The following RTF2 variants were observed in gnomAD, a reference collection of about 807,000 sequenced individuals.
RTF2 encodes UPF0549 protein C20orf43.
Under a neutral mutation model 38.0 loss-of-function variants are expected in RTF2, and 18 were observed. That is an observed-to-expected ratio of 0.47 (90% confidence interval 0.33 to 0.70). The LOEUF (loss-of-function observed/expected upper bound fraction) is 0.70, where lower values mean the gene tolerates loss of function less well. Among genes scored for constraint, RTF2 ranks in the 30% least tolerant of loss-of-function variants. The probability of loss-of-function intolerance (pLI) is 0.02; values close to 1 mark genes in which losing one functional copy is unlikely to be tolerated. For synonymous variants in RTF2, 126 were observed against 137.1 expected (o/e 0.92, Z 0.57); for missense variants, 311 against 379.6 (o/e 0.82, Z 1.50).
chr20:56,497,424 G>A (rs766853946), intron 5 of RTF2: 125 of 1,544,600 alleles, frequency 8.1e-5, no homozygotes, highest in Middle Eastern at 3.4e-4. Flanking sequence ...TTAGGGGGCC[G>A]CCCCTTTCCC....
At chr20:56,501,480 A>G (rs1051957314) in intron 5 of RTF2, among the ~76,000 whole-genome samples, 1 of 152,188 alleles carries the variant, frequency 6.6e-6, no homozygotes, top group African/African-American at 2.4e-5. Flanking sequence ...CCTCCATAGA[A>G]AGATGTTTAA....
At position 56,517,188 on chromosome 20, in the gene RTF2, T is replaced by C. The variant is rs1387628264; in HGVS notation, c.729T>C (p.Ala243=). ...LDSREKKTNL[A]PKSTAMNESS... is the part of the protein sequence containing the mutation. ...CTAGAGAGAAGAAAACCAACTTGGC[T>C]CCCAAAAGCACAGGTGGGTCCTGTT... The change falls in exon 8 of 9, where the codon GCT becomes GCC. Residue 243 remains alanine (A), a synonymous_variant. Coordinates refer to ENST00000357348, the MANE Select transcript of RTF2 (RefSeq NM_016407.5). The C allele has an allele frequency of 1.2e-6, 2 of 1,613,864 alleles. No individual in the cohort carries two copies. The highest frequency in any genetic ancestry group is 1.7e-5 in the Admixed American group (1 of 59,968).
intron 2 of RTF2, 123 bp from the exon 3 acceptor site, chr20:56,474,555 A>G (rs956266604): frequency 1.7e-6 from 1 of 575,190 alleles, no homozygotes; most frequent in African/African-American, 1.9e-5. Context: ...TTACTTTTTA[A>G]TAATTCAGGG....
chr20:56,495,954 G>C (rs532745707), intron 5 of RTF2, among the ~76,000 whole-genome samples: 27 of 152,290 alleles, frequency 1.8e-4, no homozygotes, highest in African/African-American at 6.3e-4. Flanking sequence ...ATCTTACAGA[G>C]AGCCCTTAGC....
chr20:56,477,517 T>C (rs1982317641), intron 4 of RTF2, among the ~76,000 whole-genome samples: 1 of 152,216 alleles, frequency 6.6e-6, no homozygotes, highest in South Asian at 2.1e-4. Context: ...TACTAATTTT[T>C]AATTTTTATT....
chr20:56,478,850 T>G (rs1982386307), intron 4 of RTF2, among the ~76,000 whole-genome samples: 1 of 152,224 alleles, frequency 6.6e-6, no homozygotes, highest in Non-Finnish European at 1.5e-5. Context: ...TCTTTCAAAA[T>G]TGGAATCAGT....
In RTF2 at chr20:56,474,665, CTTACTA is replaced by C; in HGVS notation, c.165-10_165-5del. On this transcript the variant is annotated splice_region_variant and splice_polypyrimidine_tract_variant and intron_variant, in intron 2 of 8. Coordinates refer to ENST00000357348, the MANE Select transcript of RTF2 (RefSeq NM_016407.5). ...CGCTTGTTGACATAATATTCTAATA[CTTACTA>C]TTGCAGACTTTATAACAAAGATGCC... 6.4e-7 allele frequency: 1 copy of C among 1,555,798 alleles called. No individual in the cohort carries two copies. The highest frequency in any genetic ancestry group is 8.8e-7 in the Non-Finnish European group (1 of 1,139,188).
intron 5 of RTF2, among the ~76,000 whole-genome samples, chr20:56,507,200 G>T (rs1461105087): frequency 6.6e-6 from 1 of 152,196 alleles, no homozygotes; most frequent in Non-Finnish European, 1.5e-5. Flanking sequence ...GTGGGGAGCA[G>T]GTCCCTGTGG....
At chr20:56,487,108 A>G (rs1982837278) in intron 5 of RTF2, among the ~76,000 whole-genome samples, 1 of 152,202 alleles carries the variant, frequency 6.6e-6, no homozygotes, top group African/African-American at 2.4e-5. Context: ...CGCCCATAAT[A>G]GTACCCATCT....
At chr20:56,477,313 C>T (rs1420400506) in intron 4 of RTF2, among the ~76,000 whole-genome samples, 189 bp downstream of exon 4, 3 of 152,160 alleles carry the variant, frequency 2.0e-5, no homozygotes, top group Non-Finnish European at 4.4e-5. Context: ...TACGGGACTT[C>T]CAGCGAGATC....
chr20:56,507,565 C>G (rs2146365475), intron 5 of RTF2, among the ~76,000 whole-genome samples: 1 of 152,294 alleles, frequency 6.6e-6, no homozygotes, highest in African/African-American at 2.4e-5. Context: ...GGGCACAACA[C>G]AACACAACTG....
chr20:56,511,857 G>T (rs752544801), intron 5 of RTF2, among the ~76,000 whole-genome samples: 1 of 151,880 alleles, frequency 6.6e-6, no homozygotes, highest in South Asian at 2.1e-4. Context: ...TTTTGAGACG[G>T]AGTCTCGCTC....
intron 5 of RTF2, among the ~76,000 whole-genome samples, chr20:56,484,585 G>A (rs1211494899): frequency 1.3e-5 from 2 of 152,148 alleles, no homozygotes; most frequent in South Asian, 2.1e-4. Flanking sequence ...AATTGCGTAT[G>A]TATGTGTCTG....
intron 5 of RTF2, among the ~76,000 whole-genome samples, chr20:56,498,252 A>G (rs1409598426): frequency 1.3e-5 from 2 of 152,204 alleles, no homozygotes; most frequent in Non-Finnish European, 2.9e-5. Flanking sequence ...GAGGAATTTG[A>G]TGATTATACA....
At position 56,473,313 on chromosome 20, in the gene RTF2, G is replaced by A; in HGVS notation, c.82G>A (p.Ala28Thr). 6.2e-7 allele frequency: 1 copy of A among 1,613,160 alleles called. No individual in the cohort carries two copies. The highest frequency in any genetic ancestry group is 8.5e-7 in the Non-Finnish European group (1 of 1,179,348). ...PKKVEKVDKD[A>T]ELVAQWNYCT... Reference sequence around the variant, plus strand: ...TGTTTTTTATTAGGTCGACAAAGATGCTGAATTAGTGGCCCAATGGAACTA... The same window carrying A: ...TGTTTTTTATTAGGTCGACAAAGATACTGAATTAGTGGCCCAATGGAACTA... Residue 28 changes from alanine to threonine, a missense_variant, in exon 2 of 9, where the codon GCT becomes ACT. By Grantham distance (58) the Ala-to-Thr change is moderately conservative. Transcript: ENST00000357348.
chr20:56,511,864 G>A (rs1339621704), intron 5 of RTF2, among the ~76,000 whole-genome samples: 2 of 151,816 alleles, frequency 1.3e-5, no homozygotes, highest in African/African-American at 2.4e-5. Context: ...ACGGAGTCTC[G>A]CTCTGTCGCC....
intron 5 of RTF2, among the ~76,000 whole-genome samples, chr20:56,505,242 T>G (rs2146361048): frequency 6.6e-6 from 1 of 152,206 alleles, no homozygotes; most frequent in Non-Finnish European, 1.5e-5. Context: ...ATCCCAGCAC[T>G]TTGAGAGGCT....
intron 5 of RTF2, chr20:56,497,239 A>T: frequency 6.4e-7 from 1 of 1,551,926 alleles, no homozygotes; most frequent in South Asian, 1.2e-5. Context: ...AGCTGCACAA[A>T]CATGGCCAGC....
intron 4 of RTF2, among the ~76,000 whole-genome samples, chr20:56,483,866 C>T (rs927131414): frequency 6.6e-6 from 1 of 151,930 alleles, no homozygotes; most frequent in Non-Finnish European, 1.5e-5. Context: ...ATATTTCCTC[C>T]CTGAGTTCCT....
Sources: gnomAD v4.1 joint callset for allele counts (sites outside exome capture counted in the v4.1 genomes callset) on GRCh38, gnomAD v4.1.1 for gene constraint, MANE v1.5 for transcripts, NCBI Gene and HGNC (gene_info 2026-07-23, HGNC 2026-07-21) for gene names.